RXFP1: variants seen among roughly 807,000 people sequenced by gnomAD.
RXFP1 encodes relaxin receptor 1.
A neutral mutation model predicts 89.8 loss-of-function variants in RXFP1; 73 were observed. That is an observed-to-expected ratio of 0.81 (90% CI 0.67 to 0.99). RXFP1 has a LOEUF of 0.99. Ranked by LOEUF, RXFP1 falls within the 50% of genes least tolerant of loss-of-function variation. The pLI is 0.00. For missense variants in RXFP1, 793 were observed against 895.5 expected, an observed-to-expected ratio of 0.89 and a Z score of 1.46; for synonymous variants, 277 against 305.5, an observed-to-expected ratio of 0.91 and a Z score of 0.97.
intron 1 of RXFP1, among the ~76,000 whole-genome samples, chr4:158,539,268 G>A (rs1016252587): frequency 9.9e-5 from 15 of 152,094 alleles, no homozygotes; most frequent in African/African-American, 3.6e-4. Flanking sequence ...ACTCATAGGT[G>A]GGAATTGAAC....
At chr4:158,525,056 T>A (rs996465065) in intron 1 of RXFP1, among the ~76,000 whole-genome samples, 10 of 152,254 alleles carry the variant, frequency 6.6e-5, no homozygotes, top group African/African-American at 2.2e-4. Flanking sequence ...TCTGTAACTA[T>A]GAAGAAGAGA....
intron 13 of RXFP1, among the ~76,000 whole-genome samples, chr4:158,639,020 A>G (rs1231850058): frequency 6.6e-6 from 1 of 152,194 alleles, no homozygotes; most frequent in African/African-American, 2.4e-5. Flanking sequence ...AAATGCACAA[A>G]GCATTGTGCC....
chr4:158,538,649 G>A (rs892124742), intron 1 of RXFP1, among the ~76,000 whole-genome samples: 3 of 151,972 alleles, frequency 2.0e-5, no homozygotes, highest in African/African-American at 7.2e-5. Flanking sequence ...CCCCATTTCT[G>A]CTAAAAATAC....
intron 11 of RXFP1, among the ~76,000 whole-genome samples, chr4:158,633,100 A>G (rs1768424213): frequency 6.6e-6 from 1 of 152,008 alleles, no homozygotes; most frequent in South Asian, 2.1e-4. Context: ...AACCCGGGAG[A>G]CAGAGGTTGT....
chr4:158,639,015 C>T (rs879443191), intron 13 of RXFP1, among the ~76,000 whole-genome samples: 3 of 151,778 alleles, frequency 2.0e-5, no homozygotes, highest in Non-Finnish European at 4.4e-5. Flanking sequence ...AGTTAAAATG[C>T]ACAAAGCATT....
At chr4:158,631,484 T>C (rs1157092995) in intron 11 of RXFP1, among the ~76,000 whole-genome samples, 1 of 152,190 alleles carries the variant, frequency 6.6e-6, no homozygotes, top group African/African-American at 2.4e-5. Context: ...AGGAAGCACA[T>C]ATGTACAGAA....
At chr4:158,590,112 A>G (rs1370047996) in intron 2 of RXFP1, among the ~76,000 whole-genome samples, 1 of 152,070 alleles carries the variant, frequency 6.6e-6, no homozygotes, top group Admixed American at 6.6e-5. Flanking sequence ...GTAACTTAAC[A>G]ACCCATAGGA....
chr4:158,575,928 T>C (rs1450830248), intron 2 of RXFP1, among the ~76,000 whole-genome samples: 1 of 152,188 alleles, frequency 6.6e-6, no homozygotes, highest in South Asian at 2.1e-4. Context: ...TTGGATGGAC[T>C]CCACTGAGAT....
At chr4:158,542,109 A>ATATATATATATATATTT in intron 1 of RXFP1, among the ~76,000 whole-genome samples, 9 of 35,232 alleles carry the variant, frequency 2.6e-4, no homozygotes, top group African/African-American at 3.7e-4. Flanking sequence ...ATATATATAT[A>ATATATATATATATATTT]TTTTTTTTTT....
At chr4:158,548,544 C>T (rs1395856245) in intron 1 of RXFP1, among the ~76,000 whole-genome samples, 2 of 152,108 alleles carry the variant, frequency 1.3e-5, no homozygotes, top group African/African-American at 4.8e-5. Flanking sequence ...TCTTCCTAGC[C>T]TTGATGGTCT....
intron 9 of RXFP1, among the ~76,000 whole-genome samples, chr4:158,618,439 A>G: frequency 6.6e-6 from 1 of 152,058 alleles, no homozygotes; most frequent in East Asian, 1.9e-4. Flanking sequence ...TAAAAAAATT[A>G]AAATTAAAAA....
intron 1 of RXFP1, among the ~76,000 whole-genome samples, chr4:158,571,249 C>T (rs1754998422): frequency 6.6e-6 from 1 of 152,202 alleles, no homozygotes; most frequent in Admixed American, 6.5e-5. Flanking sequence ...TTGCACAGGG[C>T]CTTACACTTA....
intron 1 of RXFP1, among the ~76,000 whole-genome samples, chr4:158,559,164 G>A (rs980179331): frequency 1.6e-4 from 24 of 152,054 alleles, no homozygotes; most frequent in Admixed American, 2.6e-4. Flanking sequence ...ATTCTGGCTG[G>A]GCACAGTGGC....
At chr4:158,593,649 T>C (rs1579906042) in intron 3 of RXFP1, 150 bp downstream of exon 3, 1 of 530,074 alleles carries the variant, frequency 1.9e-6, no homozygotes, top group Admixed American at 3.6e-5. Context: ...AGGTCAATTA[T>C]AGTTTTCTAA....
intron 1 of RXFP1, among the ~76,000 whole-genome samples, chr4:158,562,256 C>T (rs931787632): frequency 6.6e-6 from 1 of 152,098 alleles, no homozygotes; most frequent in Non-Finnish European, 1.5e-5. Flanking sequence ...AAATTTATCA[C>T]AGTTTAAAAT....
chr4:158,643,126 GA>G lies in RXFP1; in HGVS notation c.1116-1780del, dbSNP rs1345243275. ...TGTACATGTGGTTGACAAAGAAAAG[GA>G]AAGATGGAGCCTCCATGTTGAACAT... On this transcript the variant is annotated intron_variant, in intron 14 of 17. Coordinates refer to ENST00000307765, the MANE Select transcript of RXFP1 (RefSeq NM_021634.4). 3.3e-5 allele frequency among the ~76,000 whole-genome samples: 5 copies of G among 152,256 alleles called. No individual in the cohort carries two copies. The South Asian group carries it at 8.3e-4, about 25-fold the overall frequency.
At chr4:158,531,726 A>T (rs1195196246) in intron 1 of RXFP1, among the ~76,000 whole-genome samples, 1 of 152,166 alleles carries the variant, frequency 6.6e-6, no homozygotes, top group African/African-American at 2.4e-5. Context: ...TAGTGTAAAC[A>T]TTTTCATGTT....
At chr4:158,578,634 CTG>C (rs1483063252) in intron 2 of RXFP1, among the ~76,000 whole-genome samples, 1 of 152,152 alleles carries the variant, frequency 6.6e-6, no homozygotes, top group African/African-American at 2.4e-5. Context: ...AGCATTCCTT[CTG>C]TGTTATAAAC....
intron 11 of RXFP1, among the ~76,000 whole-genome samples, chr4:158,629,723 A>G (rs56225500): frequency 0.22 from 33,747 of 151,730 alleles, 5,547 homozygotes; most frequent in African/African-American, 0.46. Context: ...AACTCCTTGG[A>G]CTCAAGTGAT....
Sources: gnomAD v4.1 joint callset for allele counts (sites outside exome capture counted in the v4.1 genomes callset) on GRCh38, gnomAD v4.1.1 for gene constraint, MANE v1.5 for transcripts, NCBI Gene and HGNC (gene_info 2026-07-23, HGNC 2026-07-21) for gene names.